Variants in KLRG1 observed in about 807,000 individuals in gnomAD.
The protein encoded by KLRG1 is killer cell lectin like receptor G1, also known as killer cell lectin-like receptor subfamily G member 1.
Under a neutral mutation model 21.8 loss-of-function variants are expected in KLRG1, and 16 were observed. The ratio of observed to expected loss-of-function variants is 0.73; its 90% CI spans 0.50 to 1.11. The LOEUF (loss-of-function observed/expected upper bound fraction) is 1.11, where lower values mean the gene tolerates loss of function less well. Among genes scored for constraint, KLRG1 ranks in the 50% most tolerant of loss-of-function variants. The probability of loss-of-function intolerance (pLI) is 0.00; values close to 1 mark genes in which losing one functional copy is unlikely to be tolerated. For synonymous variants in KLRG1, 69 were observed against 75.9 expected (o/e 0.91, Z 0.47); for missense variants, 173 against 218.3 (o/e 0.79, Z 1.31).
the KLRG1 span, among the ~76,000 whole-genome samples, chr12:9,202,139 T>TCC: frequency 1.3e-5 from 2 of 152,140 alleles, no homozygotes; most frequent in Non-Finnish European, 2.9e-5. Context: ...AGAAAGAACT[T>TCC]CCTCATCTCT....
At chr12:9,011,577 A>G (rs1947632691), downstream of KLRG1, among the ~76,000 whole-genome samples, 1 of 152,218 alleles carries the variant, frequency 6.6e-6, no homozygotes, top group South Asian at 2.1e-4. Context: ...GAGCAAGAAC[A>G]AGAAGCCTCC....
chr12:9,131,772 T>C, the KLRG1 span, among the ~76,000 whole-genome samples: 45 of 151,650 alleles, frequency 3.0e-4, no homozygotes, highest in Middle Eastern at 6.9e-3. Context: ...TTTATATACA[T>C]ATATAGTTTA....
chr12:9,168,894 T>C, the KLRG1 span: 2 of 1,614,026 alleles, frequency 1.2e-6, no homozygotes, highest in South Asian at 1.1e-5. Context: ...GACCTACTGC[T>C]CCTGCAGACA....
chr12:9,120,491 C>T, the KLRG1 span, among the ~76,000 whole-genome samples: 12 of 152,250 alleles, frequency 7.9e-5, no homozygotes, highest in East Asian at 1.2e-3. Flanking sequence ...TGGGCCTTAA[C>T]AAAAATAAAT....
At chr12:9,051,265 G>A in the KLRG1 span, among the ~76,000 whole-genome samples, 6 of 152,170 alleles carry the variant, frequency 3.9e-5, no homozygotes, top group Non-Finnish European at 8.8e-5. Flanking sequence ...TTCCAGAGAC[G>A]GGATTACCAG....
upstream of KLRG1, among the ~76,000 whole-genome samples, chr12:8,986,001 C>T (rs924773611): frequency 6.6e-6 from 1 of 152,144 alleles, no homozygotes. Context: ...GAGGCCTTCC[C>T]CTTGGGGCCT....
At chr12:9,022,575 G>A in the KLRG1 span, among the ~76,000 whole-genome samples, 1 of 152,100 alleles carries the variant, frequency 6.6e-6, no homozygotes. Flanking sequence ...CTCCTAGATA[G>A]TTTTAGGATC....
chr12:9,142,983 T>C, the KLRG1 span, among the ~76,000 whole-genome samples: 1 of 152,144 alleles, frequency 6.6e-6, no homozygotes, highest in Non-Finnish European at 1.5e-5. Context: ...AGTAATTCAG[T>C]TGACTGGGAA....
chr12:9,202,753 T>C, the KLRG1 span: 2 of 1,438,288 alleles, frequency 1.4e-6, no homozygotes, highest in Non-Finnish European at 1.9e-6. Flanking sequence ...CTTCAGTCAT[T>C]GCTATTTCCT....
chr12:9,168,973 C>A, the KLRG1 span: 2 of 1,609,296 alleles, frequency 1.2e-6, no homozygotes, highest in Admixed American at 3.3e-5. Flanking sequence ...CAATCCCATC[C>A]CCTGGAAAAA....
At chr12:8,950,990 T>A (rs1946191041) in intron 1 of KLRG1, among the ~76,000 whole-genome samples, 1 of 152,034 alleles carries the variant, frequency 6.6e-6, no homozygotes, top group South Asian at 2.1e-4. Context: ...ATACATTCAG[T>A]TCAGGCTAGG....
chr12:9,088,711 G>A, the KLRG1 span, among the ~76,000 whole-genome samples: 2 of 152,088 alleles, frequency 1.3e-5, no homozygotes, highest in Non-Finnish European at 2.9e-5. Context: ...GTTTGATAGG[G>A]CATTAGGTAC....
chr12:9,166,259 A>G, the KLRG1 span: 3 of 1,559,554 alleles, frequency 1.9e-6, no homozygotes, highest in Non-Finnish European at 2.6e-6. Context: ...TTCATGGTGC[A>G]CATGTGAGAC....
the KLRG1 span, among the ~76,000 whole-genome samples, chr12:9,038,719 T>C: frequency 5.1e-4 from 78 of 152,110 alleles, no homozygotes; most frequent in African/African-American, 1.8e-3. Context: ...ACTGCTGGTT[T>C]GTGAGAGCTG....
At chr12:9,115,748 T>C in the KLRG1 span, 1 of 1,599,088 alleles carries the variant, frequency 6.3e-7, no homozygotes, top group East Asian at 2.2e-5. Flanking sequence ...CTTCACGCTC[T>C]CTGTGTGGAA....
chr12:9,123,440 A>G, the KLRG1 span, among the ~76,000 whole-genome samples: 2 of 152,144 alleles, frequency 1.3e-5, no homozygotes, highest in African/African-American at 4.8e-5. Flanking sequence ...GTATTGAGAT[A>G]GCTACTAAGT....
rs1490052618 is a variant in KLRG1 at position 9,001,908 on chromosome 12, A to G, written c.357+6620A>G. On this transcript the variant is annotated intron_variant, in intron 3 of 4. Transcript: ENST00000356986. ...TTATTTTGTATTCTGCTTTTATCAA[A>G]TAGCATTATTTCATTCTTGGTTTTT... is the stretch of plus-strand genomic sequence containing the variant. Among the ~76,000 whole-genome samples, 3 of 152,200 alleles carry G rather than the reference A, an allele frequency of 2.0e-5. No homozygotes were observed. In the East Asian group the frequency reaches 5.8e-4, roughly 29 times the overall value.
the KLRG1 span, among the ~76,000 whole-genome samples, chr12:9,088,419 G>A: frequency 7.2e-5 from 11 of 152,194 alleles, 1 homozygote; most frequent in African/African-American, 2.6e-4. Context: ...ATGATAAAAG[G>A]ATTGAATGAT....
intron 1 of KLRG1, among the ~76,000 whole-genome samples, chr12:8,954,806 A>T (rs1173443563): frequency 6.6e-6 from 1 of 152,224 alleles, no homozygotes; most frequent in African/African-American, 2.4e-5. Flanking sequence ...TTTTTAACTG[A>T]TAAGCCATAC....
Sources: gnomAD v4.1 joint callset for allele counts (sites outside exome capture counted in the v4.1 genomes callset) on GRCh38, gnomAD v4.1.1 for gene constraint, MANE v1.5 for transcripts, NCBI Gene and HGNC (gene_info 2026-07-23, HGNC 2026-07-21) for gene names.